USP12: variants seen among roughly 807,000 people sequenced by gnomAD.
USP12 encodes ubiquitin carboxyl-terminal hydrolase 12.
In USP12, 19 loss-of-function variants were observed where a neutral mutation model predicts 45.5. The observed-to-expected ratio is 0.42, with a 90% CI of 0.29 to 0.61. The LOEUF (loss-of-function observed/expected upper bound fraction) is 0.61. Among genes scored for constraint, USP12 ranks in the 20% least tolerant of loss-of-function variants. The pLI is 0.22. For missense variants in USP12, 242 were observed against 447.7 expected, an observed-to-expected ratio of 0.54 and a Z score of 4.15; for synonymous variants, 149 against 148.8, an observed-to-expected ratio of 1.00 and a Z score of -0.01.
At position 27,068,073 on chromosome 13, in the gene USP12, T is replaced by A. The variant is rs970346755; in HGVS notation, c.*1210A>T. On this transcript the variant is annotated 3_prime_UTR_variant, in exon 9 of 9. Coordinates refer to ENST00000282344, the MANE Select transcript of USP12 (RefSeq NM_182488.4). ...CCCGGTCTACTTGATTAAAATTTAA[T>A]CTTTGAAGGGTTTGTTTAGCTCACT... is the stretch of plus-strand genomic sequence containing the variant. 11 of 152,300 alleles carry A rather than the reference T, an allele frequency of 7.2e-5. No individual in the cohort carries two copies. Among genetic ancestry groups the A allele is most frequent in the African/African-American group, 2.7e-4 (11 of 41,464 alleles). The allele number at this position is 152,300 out of a possible 1,614,324, so 9.4% of individuals were successfully genotyped here.
intron 6 of USP12, among the ~76,000 whole-genome samples, chr13:27,082,793 C>T (rs913689804): frequency 6.6e-6 from 1 of 152,136 alleles, no homozygotes; most frequent in Non-Finnish European, 1.5e-5. Context: ...AGGGGGAAAA[C>T]GTCAGGTGGG....
chr13:27,145,329 T>C (rs368081943), intron 1 of USP12, among the ~76,000 whole-genome samples: 11 of 152,158 alleles, frequency 7.2e-5, no homozygotes, highest in African/African-American at 1.4e-4. Flanking sequence ...ATAGTAACAA[T>C]AGTGCTAAAA....
chr13:27,116,067 C>A (rs948109516), intron 2 of USP12, among the ~76,000 whole-genome samples: 1 of 152,132 alleles, frequency 6.6e-6, no homozygotes, highest in Non-Finnish European at 1.5e-5. Flanking sequence ...AATCCCAGCA[C>A]TTTAGGAGGC....
intron 1 of USP12, among the ~76,000 whole-genome samples, chr13:27,141,748 CCTA>C (rs1484563871): frequency 6.6e-6 from 1 of 152,122 alleles, no homozygotes; most frequent in African/African-American, 2.4e-5. Context: ...GAATGACAGT[CCTA>C]CTACTAGTAG....
intron 1 of USP12, among the ~76,000 whole-genome samples, chr13:27,144,917 A>T (rs1566002481): frequency 6.6e-6 from 1 of 151,788 alleles, no homozygotes; most frequent in South Asian, 2.1e-4. Flanking sequence ...AAAAAAAAAA[A>T]TCAGCCAGGC....
At chr13:27,126,541 C>T (rs960414893) in intron 1 of USP12, among the ~76,000 whole-genome samples, 1 of 152,144 alleles carries the variant, frequency 6.6e-6, no homozygotes, top group African/African-American at 2.4e-5. Flanking sequence ...GGCATTTAAA[C>T]GTTCCAACCG....
intron 6 of USP12, among the ~76,000 whole-genome samples, chr13:27,086,189 AAAAAAAAAAT>A (rs1267765376): frequency 0.037 from 2,984 of 81,684 alleles, 55 homozygotes; most frequent in Middle Eastern, 0.08. Context: ...AAAAAAAAAA[AAAAAAAAAAT>A]ATATATATAT....
intron 3 of USP12, among the ~76,000 whole-genome samples, chr13:27,102,637 A>G (rs1874922741): frequency 6.6e-6 from 1 of 152,212 alleles, no homozygotes; most frequent in Admixed American, 6.5e-5. Context: ...GATGTCTTCA[A>G]ATTTCTGATC....
intron 1 of USP12, among the ~76,000 whole-genome samples, chr13:27,158,027 G>A (rs914293532): frequency 6.6e-6 from 1 of 152,168 alleles, no homozygotes; most frequent in African/African-American, 2.4e-5. Context: ...TAGTTTTACT[G>A]GGTGAACTGT....
At chr13:27,079,304 G>C (rs191473905) in intron 6 of USP12, among the ~76,000 whole-genome samples, 75 of 152,252 alleles carry the variant, frequency 4.9e-4, no homozygotes, top group Non-Finnish European at 9.3e-4. Flanking sequence ...TCAGCTCAGT[G>C]TCAGAGAACC....
intron 7 of USP12, 151 bp downstream of exon 7, chr13:27,075,040 T>G: frequency 1.6e-6 from 1 of 622,638 alleles, no homozygotes. Context: ...TGATAAAACA[T>G]AAAGCTAAAA....
chr13:27,139,226 GTAAT>G (rs558712588), intron 1 of USP12, among the ~76,000 whole-genome samples: 81 of 152,270 alleles, frequency 5.3e-4, no homozygotes, highest in Non-Finnish European at 1.0e-3. Context: ...CTTCATCTGA[GTAAT>G]TAATTTCTAT....
intron 1 of USP12, among the ~76,000 whole-genome samples, chr13:27,159,680 T>C (rs1208315358): frequency 6.6e-6 from 1 of 152,236 alleles, no homozygotes; most frequent in Non-Finnish European, 1.5e-5. Context: ...TTGTGAGATC[T>C]GAATCTGTGA....
At chr13:27,166,664 T>C in intron 1 of USP12, among the ~76,000 whole-genome samples, 1 of 152,182 alleles carries the variant, frequency 6.6e-6, no homozygotes. Context: ...ACATGCCACA[T>C]AATTGAATAT....
chr13:27,155,098 T>TTC (rs1877764063), intron 1 of USP12, among the ~76,000 whole-genome samples: 1 of 73,068 alleles, frequency 1.4e-5, no homozygotes, highest in Non-Finnish European at 2.9e-5. Flanking sequence ...TTTTTTTTTT[T>TTC]TGAGACGGAA....
chr13:27,163,012 C>G (rs1423985224), intron 1 of USP12: 1 of 152,062 alleles, frequency 6.6e-6, no homozygotes, highest in East Asian at 1.9e-4. Context: ...AACAAGGAGG[C>G]CCTTAACAAG....
At chr13:27,164,534 T>G (rs1259338169) in intron 1 of USP12, among the ~76,000 whole-genome samples, 1 of 152,210 alleles carries the variant, frequency 6.6e-6, no homozygotes, top group Non-Finnish European at 1.5e-5. Flanking sequence ...TCTTATAGTT[T>G]ACACTATCAC....
chr13:27,139,589 C>G (rs1240397731), intron 1 of USP12, among the ~76,000 whole-genome samples: 1 of 152,190 alleles, frequency 6.6e-6, no homozygotes, highest in Non-Finnish European at 1.5e-5. Context: ...GCACTCCAGC[C>G]TGGGAGAAAG....
intron 1 of USP12, among the ~76,000 whole-genome samples, chr13:27,154,930 CA>C (rs1385902630): frequency 6.6e-6 from 1 of 151,814 alleles, no homozygotes; most frequent in Non-Finnish European, 1.5e-5. Flanking sequence ...GGCCAGGAGC[CA>C]AAAGGCAAGG....
Sources: gnomAD v4.1 joint callset for allele counts (sites outside exome capture counted in the v4.1 genomes callset) on GRCh38, gnomAD v4.1.1 for gene constraint, MANE v1.5 for transcripts, NCBI Gene and HGNC (gene_info 2026-07-23, HGNC 2026-07-21) for gene names.